The following WDFY3 variants were observed in gnomAD, a reference collection of about 807,000 sequenced individuals.
The protein encoded by WDFY3 is WD repeat and FYVE domain-containing protein 3.
In WDFY3, 66 loss-of-function variants were observed where a neutral mutation model predicts 409.6. That is an observed-to-expected ratio of 0.16 (90% CI 0.13 to 0.20). WDFY3 has a LOEUF of 0.20. Among genes scored for constraint, WDFY3 ranks in the 10% least tolerant of loss-of-function variants. The pLI, the probability that WDFY3 is intolerant of heterozygous loss-of-function variation, is 1.00. For missense variants in WDFY3, 3,031 were observed against 4,298.1 expected (o/e 0.71, Z 8.24); for synonymous variants, 1,521 against 1,537.1 (o/e 0.99, Z 0.25).
At chr4:84,709,892 A>G (rs1732599304) in intron 51 of WDFY3, among the ~76,000 whole-genome samples, 1 of 152,074 alleles carries the variant, frequency 6.6e-6, no homozygotes, top group African/African-American at 2.4e-5. Context: ...ACGCCCAGCT[A>G]ATTTTTGTAT....
rs561932448 is a variant in WDFY3, at chr4:84,801,764, C to T, written c.2708G>A (p.Arg903Gln). The T allele has an allele frequency of 5.5e-5, 88 of 1,614,046 alleles. No individual in the cohort carries two copies. Among genetic ancestry groups the T allele is most frequent in the South Asian group, 3.8e-4 (35 of 91,054 alleles). Reference sequence around the variant, plus strand: ...TGCAGCACTGCACCTCTGCAGCAGTCGTGCATGAAGACCAGCTTCACACAT... The same window carrying T: ...TGCAGCACTGCACCTCTGCAGCAGTTGTGCATGAAGACCAGCTTCACACAT... ...QVMCEAGLHA[R>Q]LLQRCSAALA... Residue 903 changes from arginine to glutamine, a missense_variant, in exon 17 of 68, where the codon CGA (arginine) becomes CAA (glutamine). By Grantham distance (43) the Arg-to-Gln change is conservative (BLOSUM62 1). This residue lies in a region of WDFY3 where 1,322 missense variants were observed against 1,697.9 expected (regional missense o/e 0.78). Transcript: ENST00000295888.
chr4:84,742,557 C>T (rs1301478639), intron 37 of WDFY3, among the ~76,000 whole-genome samples: 6 of 152,106 alleles, frequency 3.9e-5, no homozygotes, highest in Non-Finnish European at 8.8e-5. Flanking sequence ...GGGTCCCCAA[C>T]TCCCAGGCCA....
At position 84,918,813 on chromosome 4, in the gene WDFY3, G is replaced by T. The variant is rs1185934483; in HGVS notation, c.-132+13457C>A. ...AACACATGCGCATATTTGTGTGTGT[G>T]TGTATATATATATAGATATATATAT... On this transcript the variant is annotated intron_variant, in intron 2 of 67. Coordinates refer to ENST00000295888, the MANE Select transcript of WDFY3 (RefSeq NM_014991.6). Among the ~76,000 whole-genome samples the T allele has an allele frequency of 2.3e-5, 3 of 132,346 alleles. No individual in the cohort carries two copies. The South Asian group carries it at 7.0e-4, about 31-fold the overall frequency. 86.8% of individuals were successfully genotyped at this position (132,346 alleles called of 152,430 possible).
At chr4:84,850,070 T>C (rs1385464843) in intron 4 of WDFY3, 45 bp from the exon 5 acceptor site, 1 of 1,532,756 alleles carries the variant, frequency 6.5e-7, no homozygotes, top group Non-Finnish European at 8.7e-7. Flanking sequence ...TGACAAATTT[T>C]TCTTTTTATT....
intron 32 of WDFY3, among the ~76,000 whole-genome samples, chr4:84,760,324 G>A (rs1042855450): frequency 9.2e-5 from 14 of 152,246 alleles, no homozygotes; most frequent in African/African-American, 3.4e-4. Flanking sequence ...CTCATAAAAT[G>A]AGTTAGGGAG....
intron 64 of WDFY3, among the ~76,000 whole-genome samples, chr4:84,680,882 T>C (rs1727236547): frequency 6.6e-6 from 1 of 152,200 alleles, no homozygotes; most frequent in Non-Finnish European, 1.5e-5. Context: ...TTCTCAGATT[T>C]TGGTATCAAA....
rs1430084206 is a variant in WDFY3, at chr4:84,922,633, T to A, written c.-132+9637A>T. Among the ~76,000 whole-genome samples, 5 of 152,190 alleles carry A rather than the reference T, an allele frequency of 3.3e-5. No individual in the cohort carries two copies. The Middle Eastern group carries it at 0.01, about 311-fold the overall frequency. ...ATTTTTTTTTTTTAATCTTATTGCT[T>A]TTACCGAGGCAAAGTCTGTTTTGTT... is the stretch of plus-strand genomic sequence containing the variant. On this transcript the variant is annotated intron_variant, in intron 2 of 67. Coordinates refer to ENST00000295888, the MANE Select transcript of WDFY3 (RefSeq NM_014991.6).
intron 3 of WDFY3, among the ~76,000 whole-genome samples, chr4:84,873,432 T>C (rs1033911560): frequency 6.6e-6 from 1 of 152,116 alleles, no homozygotes; most frequent in Non-Finnish European, 1.5e-5. Context: ...TGAAACACAT[T>C]TTGAACTAAA....
intron 38 of WDFY3, among the ~76,000 whole-genome samples, chr4:84,741,242 C>T (rs920073617): frequency 6.6e-6 from 1 of 151,630 alleles, no homozygotes; most frequent in African/African-American, 2.4e-5. Context: ...AATACCTAGG[C>T]AACTTTACAA....
chr4:84,730,822 T>TG (rs1386133783), intron 44 of WDFY3, among the ~76,000 whole-genome samples: 6 of 151,866 alleles, frequency 4.0e-5, no homozygotes, highest in Admixed American at 1.3e-4. Context: ...TTTTTTTAGA[T>TG]GGAGTTTTGC....
intron 62 of WDFY3, 115 bp from the exon 63 acceptor site, chr4:84,684,240 A>T (rs972191334): frequency 2.0e-6 from 2 of 976,168 alleles, no homozygotes; most frequent in African/African-American, 3.3e-5. Flanking sequence ...TCCTAAGACT[A>T]GTGGCTAATT....
chr4:84,901,817 C>T (rs767526793), intron 2 of WDFY3, among the ~76,000 whole-genome samples: 7 of 152,282 alleles, frequency 4.6e-5, no homozygotes, highest in Middle Eastern at 3.4e-3. Context: ...CCATTCACAA[C>T]GGAACATTAA....
chr4:84,774,871 T>C lies in WDFY3; in HGVS notation c.4703A>G (p.Asn1568Ser). Residue 1568 changes from asparagine (N) to serine (S), a missense_variant, in exon 29 of 68, where the codon AAT (asparagine) becomes AGT (serine). Coordinates refer to ENST00000295888, the MANE Select transcript of WDFY3 (RefSeq NM_014991.6). ...LSQPTIAAIS[N>S]VLSFLLQGFP... ...ACCTTGCAGTAAGAAGCTCAGGACA[T>C]TACTAATAGCAGCAATAGTAGGCTG... 2 of 1,614,022 alleles carry C rather than the reference T, an allele frequency of 1.2e-6. No homozygotes were observed. Among genetic ancestry groups the C allele is most frequent in the Non-Finnish European group, 1.7e-6 (2 of 1,179,924 alleles).
chr4:84,783,414 G>C (rs527467161), intron 24 of WDFY3, among the ~76,000 whole-genome samples: 4 of 152,200 alleles, frequency 2.6e-5, no homozygotes, highest in Admixed American at 2.0e-4. Flanking sequence ...AGGAGGTCGA[G>C]AATGCAGTCA....
At chr4:84,954,332 C>G (rs1773976364) in intron 1 of WDFY3, among the ~76,000 whole-genome samples, 1 of 152,048 alleles carries the variant, frequency 6.6e-6, no homozygotes, top group African/African-American at 2.4e-5. Flanking sequence ...CTACAAATAA[C>G]TGATATAGAG....
At position 84,751,467 on chromosome 4, in the gene WDFY3, G is replaced by A. The variant is rs562795273; in HGVS notation, c.5973+16C>T. ...AGTAATGCAAAAGAGATGTAAATGC[G>A]TTTCTTTTTCTTTACCTCCAACAAA... On this transcript the variant is annotated intron_variant, in intron 36 of 67. Transcript: ENST00000295888. The A allele has an allele frequency of 5.6e-6, 9 of 1,610,600 alleles. No homozygotes were observed. In the African/African-American group the frequency reaches 8.0e-5, roughly 14 times the overall value.
chr4:84,735,134 G>GA lies in WDFY3; in HGVS notation c.6916-15dup, dbSNP rs1737219802. The GA allele has an allele frequency of 6.2e-7, 1 of 1,603,050 alleles. No individual in the cohort carries two copies. ...CTGCGAAATCTCCTAACAATGGATG[G>GA]AAAAAGAGTCTTAATATTTCATGGA... On this transcript the variant is annotated splice_polypyrimidine_tract_variant and intron_variant, in intron 42 of 67. Transcript: ENST00000295888.
At chr4:84,944,719 G>A (rs1057150565) in intron 1 of WDFY3, among the ~76,000 whole-genome samples, 1 of 150,018 alleles carries the variant, frequency 6.7e-6, no homozygotes, top group African/African-American at 2.5e-5. Context: ...GCTTGAACCT[G>A]GGAGGCAGGT....
chr4:84,908,461 C>T (rs147585935), intron 2 of WDFY3, among the ~76,000 whole-genome samples: 1 of 152,196 alleles, frequency 6.6e-6, no homozygotes, highest in East Asian at 1.9e-4. Flanking sequence ...ACATGGCAAA[C>T]CCTCTAAACT....
Sources: gnomAD v4.1 joint callset for allele counts (sites outside exome capture counted in the v4.1 genomes callset) on GRCh38, gnomAD v4.1.1 for gene constraint, gnomAD v4.1.1 regional missense constraint, MANE v1.5 for transcripts, NCBI Gene and HGNC (gene_info 2026-07-23, HGNC 2026-07-21) for gene names.